FKBP15: variants seen among roughly 807,000 people sequenced by gnomAD.
FKBP15 encodes FK506-binding protein 15.
FKBP15 carries 106 observed loss-of-function variants against 158.1 expected under a neutral mutation model. The observed-to-expected ratio is 0.67, with a 90% CI of 0.57 to 0.79. The LOEUF (loss-of-function observed/expected upper bound fraction) is 0.79. Ranked by LOEUF, FKBP15 falls within the 30% of genes least tolerant of loss-of-function variation. The pLI is 0.00. For synonymous variants in FKBP15, 547 were observed against 548.6 expected, an observed-to-expected ratio of 1.00 and a Z score of 0.04; for missense variants, 1,287 against 1,479.1, an observed-to-expected ratio of 0.87 and a Z score of 2.13.
In FKBP15 at chr9:113,169,263, C is replaced by T; in HGVS notation, c.3446G>A (p.Gly1149Glu). Reference protein sequence around the residue: ...SSTEAGSTVAGAALRPSHHSQ... With the variant: ...SSTEAGSTVAEAALRPSHHSQ... Reference sequence around the variant, plus strand: ...ATGATGGCTGGGTCTGAGGGCTGCTCCTGCAACTGTGGAACCTGCCTCTGT... The same window carrying T: ...ATGATGGCTGGGTCTGAGGGCTGCTTCTGCAACTGTGGAACCTGCCTCTGT... The change falls in exon 26 of 28, where the codon GGA (glycine) becomes GAA (glutamate). Residue 1149 changes from glycine (G) to glutamate (E), a missense_variant. Transcript: ENST00000238256. 1 of 1,613,968 alleles carries T rather than the reference C, an allele frequency of 6.2e-7. No individual in the cohort carries two copies. The highest frequency in any genetic ancestry group is 8.5e-7 in the Non-Finnish European group (1 of 1,179,858).
chr9:113,185,168 C>A (rs1049853000), intron 15 of FKBP15, among the ~76,000 whole-genome samples: 1 of 152,210 alleles, frequency 6.6e-6, no homozygotes, highest in Non-Finnish European at 1.5e-5. Context: ...AAACAAAACA[C>A]GGCTTCTGCC....
In FKBP15 at chr9:113,169,266, G is replaced by A; in HGVS notation, c.3443C>T (p.Ala1148Val). ...ATGGCTGGGTCTGAGGGCTGCTCCT[G>A]CAACTGTGGAACCTGCCTCTGTGCT... ...LSSTEAGSTV[A>V]GAALRPSHHS... Residue 1148 changes from alanine (A) to valine (V), a missense_variant, in exon 26 of 28, where the codon GCA (alanine) becomes GTA (valine). Coordinates refer to ENST00000238256, the MANE Select transcript of FKBP15 (RefSeq NM_015258.2). The A allele has an allele frequency of 1.2e-6, 2 of 1,614,030 alleles. No homozygotes were observed. The highest frequency in any genetic ancestry group is 1.7e-6 in the Non-Finnish European group (2 of 1,179,884).
intron 1 of FKBP15, among the ~76,000 whole-genome samples, chr9:113,220,626 G>GTGT (rs1324996370): frequency 6.6e-6 from 1 of 152,240 alleles, no homozygotes; most frequent in Non-Finnish European, 1.5e-5. Context: ...ACCATAAGCA[G>GTGT]TCCCTGTCCG....
intron 2 of FKBP15, among the ~76,000 whole-genome samples, chr9:113,209,006 CAAAAAAA>C (rs5900044): frequency 3.0e-5 from 3 of 98,724 alleles, no homozygotes; most frequent in African/African-American, 7.7e-5. Flanking sequence ...GACTCCATCT[CAAAAAAA>C]AAAAAAAAAA....
intron 6 of FKBP15, 88 bp downstream of exon 6, chr9:113,202,442 GA>G (rs1830810132): frequency 3.0e-6 from 3 of 994,228 alleles, no homozygotes; most frequent in Middle Eastern, 2.7e-4. Context: ...AAACACAGCA[GA>G]TTATGGGTTT....
At position 113,184,476 on chromosome 9, in the gene FKBP15, GT is replaced by G. The variant is rs1471224529; in HGVS notation, c.1609-78del. On this transcript the variant is annotated intron_variant, in intron 16 of 27. Transcript: ENST00000238256. The surrounding 1 kb of genome is among the most constrained non-coding windows in gnomAD (Gnocchi z 4.5). ...TACAATTTACCCAAGATTTGACCCT[GT>G]TGTTAAGGGGGTTAATGAGTTCCTG... The G allele has an allele frequency of 8.3e-7, 1 of 1,211,174 alleles. No homozygotes were observed. The highest frequency in any genetic ancestry group is 1.5e-5 in the African/African-American group (1 of 66,192). 75.0% of individuals were successfully genotyped at this position (1,211,174 alleles called of 1,614,324 possible).
Position 113,198,982 on chromosome 9 carries a change from T to TGA in FKBP15, c.649-61_649-60dup, listed in dbSNP as rs1830736917. On this transcript the variant is annotated intron_variant, in intron 7 of 27. Transcript: ENST00000238256. This position sits in a 1 kb window ranked among gnomAD's most constrained non-coding sequence, Gnocchi z 5.2. ...ATTTCAAAAATAATAATAACCATTA[T>TGA]GATATTCAACTAACTACATACCAGC... 3.4e-6 allele frequency: 4 copies of TGA among 1,186,828 alleles called. No individual in the cohort carries two copies. Among genetic ancestry groups the TGA allele is most frequent in the Non-Finnish European group, 4.9e-6 (4 of 814,582 alleles). The allele number at this position is 1,186,828 out of a possible 1,614,324, so 73.5% of individuals were successfully genotyped here. A position where few individuals can be genotyped will look rare whatever the true frequency, so the allele number is the denominator to read the frequency against.
chr9:113,161,412 A>C lies in FKBP15; in HGVS notation c.*4666T>G. 1.9e-6 allele frequency: 2 copies of C among 1,073,786 alleles called. No individual in the cohort carries two copies. The highest frequency in any genetic ancestry group is 2.8e-6 in the Non-Finnish European group (2 of 706,590). The allele number at this position is 1,073,786 out of a possible 1,614,324, so 66.5% of individuals were successfully genotyped here. A position where few individuals can be genotyped will look rare whatever the true frequency, so the allele number is the denominator to read the frequency against. The stretch of plus-strand genomic sequence containing the variant: ...AAGGGTGGGGAAGAAGGTGCAGGAT[A>C]GAGGTGGATGGAGTGGATTCCATGA... On this transcript the variant is annotated 3_prime_UTR_variant, in exon 28 of 28. Coordinates refer to ENST00000238256, the MANE Select transcript of FKBP15 (RefSeq NM_015258.2).
chr9:113,183,575 A>AAGCTC, intron 18 of FKBP15, among the ~76,000 whole-genome samples, 176 bp downstream of exon 18: 1 of 152,318 alleles, frequency 6.6e-6, no homozygotes, highest in Admixed American at 6.5e-5. Context: ...ACAGCCTACT[A>AAGCTC]AGCTCCTTCT....
At chr9:113,199,765 C>T (rs372183816) in intron 7 of FKBP15, 49 bp downstream of exon 7, 139 of 1,563,000 alleles carry the variant, frequency 8.9e-5, no homozygotes, top group East Asian at 6.4e-4. Flanking sequence ...GGGAATAGCC[C>T]TCATGCTATA....
In FKBP15 at chr9:113,162,837, A is replaced by T. The variant is rs1409219027; in HGVS notation, c.*3241T>A. On this transcript the variant is annotated 3_prime_UTR_variant, in exon 28 of 28. Transcript: ENST00000238256. Reference sequence around the variant, plus strand: ...CATCATGCTGGCCGTAATGTCCTACAACACCTGGATTTTCCTTGGTGTGGT... The same window carrying T: ...CATCATGCTGGCCGTAATGTCCTACTACACCTGGATTTTCCTTGGTGTGGT... 2 of 1,613,636 alleles carry T rather than the reference A, an allele frequency of 1.2e-6. No homozygotes were observed. Among genetic ancestry groups the T allele is most frequent in the African/African-American group, 2.7e-5 (2 of 74,884 alleles).
At position 113,162,636 on chromosome 9, in the gene FKBP15, T is replaced by A; in HGVS notation, c.*3442A>T. On this transcript the variant is annotated 3_prime_UTR_variant, in exon 28 of 28. Transcript: ENST00000238256. The stretch of plus-strand genomic sequence containing the variant: ...TCACTCCTGGGTTAAGCATACAAGT[T>A]ATAAATCAATCGGGTCACGTAACTC... 2 of 995,428 alleles carry A rather than the reference T, an allele frequency of 2.0e-6. No individual in the cohort carries two copies. The highest frequency in any genetic ancestry group is 3.1e-5 in the South Asian group (2 of 63,732). The allele number at this position is 995,428 out of a possible 1,614,324, so 61.7% of individuals were successfully genotyped here.
At chr9:113,182,650 C>T in intron 19 of FKBP15, 116 bp downstream of exon 19, 1 of 737,584 alleles carries the variant, frequency 1.4e-6, no homozygotes, top group African/African-American at 1.8e-5. Context: ...ATATCTAGTT[C>T]TTTTTGCAGT....
chr9:113,165,915 G>T lies in FKBP15; in HGVS notation c.*163C>A. ...ATCCTCTTCACCAGGTCTGGCGGGG[G>T]TGGGGCTCAGAAGGTGGCCAACCCA... On this transcript the variant is annotated 3_prime_UTR_variant, in exon 28 of 28. Transcript: ENST00000238256. The T allele has an allele frequency of 1.7e-6, 1 of 573,052 alleles. No homozygotes were observed. Among genetic ancestry groups the T allele is most frequent in the Admixed American group, 3.0e-5 (1 of 33,190 alleles). 35.5% of individuals were successfully genotyped at this position (573,052 alleles called of 1,614,324 possible).
chr9:113,210,105 A>G (rs1470330650), intron 2 of FKBP15, among the ~76,000 whole-genome samples: 1 of 152,146 alleles, frequency 6.6e-6, no homozygotes, highest in Non-Finnish European at 1.5e-5. Flanking sequence ...AGCGGTGTCC[A>G]TATGGGGCAG....
intron 5 of FKBP15, among the ~76,000 whole-genome samples, 159 bp from the exon 6 acceptor site, chr9:113,202,788 A>G (rs995437295): frequency 6.6e-6 from 1 of 152,188 alleles, no homozygotes; most frequent in African/African-American, 2.4e-5. Context: ...TTCACCCTTC[A>G]GTCCACATTC....
At chr9:113,193,408 G>T in intron 11 of FKBP15, 84 bp downstream of exon 11, 2 of 1,114,480 alleles carry the variant, frequency 1.8e-6, no homozygotes, top group Non-Finnish European at 2.6e-6. Flanking sequence ...CTCCTGCACT[G>T]TAGTGATCCT....
At chr9:113,191,757 T>G (rs969936024) in intron 11 of FKBP15, among the ~76,000 whole-genome samples, 7 of 151,238 alleles carry the variant, frequency 4.6e-5, no homozygotes, top group African/African-American at 1.7e-4. Flanking sequence ...TTTCTACTTG[T>G]GTGCACCTGC....
chr9:113,206,173 T>C (rs1830881997), intron 4 of FKBP15: 2 of 263,916 alleles, frequency 7.6e-6, no homozygotes, highest in African/African-American at 4.4e-5. Flanking sequence ...TATATACATA[T>C]GTATGTGTAT....
Sources: allele counts gnomAD v4.1 joint callset (sites outside exome capture counted in the v4.1 genomes callset), GRCh38; gene constraint gnomAD v4.1.1; non-coding constraint Gnocchi (gnomAD v3.1); transcripts MANE v1.5; gene names NCBI Gene and HGNC (gene_info 2026-07-23, HGNC 2026-07-21).